Variants in CTNND2 observed in about 807,000 individuals in gnomAD.
The protein encoded by CTNND2 is catenin delta 2.
CTNND2 carries 22 observed loss-of-function variants against 144.4 expected under a neutral mutation model. The observed-to-expected ratio is 0.15, with a 90% CI of 0.11 to 0.22. CTNND2 has a LOEUF of 0.22. CTNND2 is among the 10% of genes least tolerant of loss of function. The pLI is 1.00. For synonymous variants in CTNND2, 751 were observed against 695.6 expected (o/e 1.08, Z -1.25); for missense variants, 1,353 against 1,618.8 (o/e 0.84, Z 2.82).
intron 8 of CTNND2, among the ~76,000 whole-genome samples, chr5:11,347,222 G>A (rs182918720): frequency 7.2e-4 from 110 of 152,224 alleles, no homozygotes; most frequent in African/African-American, 1.9e-3. Flanking sequence ...AGTAACTCCC[G>A]AAAGATTTTT....
chr5:11,620,931 T>G (rs1296986859), intron 2 of CTNND2, among the ~76,000 whole-genome samples: 1 of 152,186 alleles, frequency 6.6e-6, no homozygotes, highest in African/African-American at 2.4e-5. Context: ...ATGGCCCTGA[T>G]GGAACACATG....
chr5:11,253,637 T>C (rs1743904053), intron 9 of CTNND2, among the ~76,000 whole-genome samples: 1 of 152,218 alleles, frequency 6.6e-6, no homozygotes, highest in African/African-American at 2.4e-5. Context: ...GTCTTGGGTA[T>C]GTCTTTATCA....
intron 3 of CTNND2, among the ~76,000 whole-genome samples, chr5:11,516,102 T>A (rs139004593): frequency 6.6e-6 from 1 of 151,724 alleles, no homozygotes. Flanking sequence ...CAAAACAGTG[T>A]CTCAAAAAAA....
chr5:11,772,170 CTTAA>C (rs1427773061), intron 1 of CTNND2, among the ~76,000 whole-genome samples: 4 of 152,170 alleles, frequency 2.6e-5, no homozygotes, highest in African/African-American at 9.7e-5. Context: ...AAGTTTTAAT[CTTAA>C]TTAATCTTAA....
intron 12 of CTNND2, among the ~76,000 whole-genome samples, chr5:11,123,887 T>A (rs1403109399): frequency 6.6e-6 from 1 of 152,134 alleles, no homozygotes; most frequent in African/African-American, 2.4e-5. Context: ...TGAACAACAC[T>A]CCCCAGGCTC....
chr5:11,484,074 C>A (rs185762874), intron 3 of CTNND2, among the ~76,000 whole-genome samples: 2 of 152,298 alleles, frequency 1.3e-5, no homozygotes, highest in East Asian at 3.9e-4. Context: ...CAGTTGCACA[C>A]CCTCAAGGTT....
chr5:11,199,548 G>T lies in CTNND2; in HGVS notation c.1875C>A (p.Asn625Lys), dbSNP rs375489164. ...ALRNLVYGKA[N>K]DDNKIALKNC... ...TTTTCAGGGCAATTTTGTTATCATC[G>T]TTGGCCTTCCCATACACCAGGTTTC... The change falls in exon 11 of 22, where the codon AAC becomes AAA. Residue 625 changes from asparagine (N) to lysine (K), a missense_variant. Asn to Lys is a moderately conservative substitution (Grantham distance 94, BLOSUM62 0). This residue lies in a region of CTNND2 where 117 missense variants were observed against 117.8 expected (regional missense o/e 0.99). Coordinates refer to ENST00000304623, the MANE Select transcript of CTNND2 (RefSeq NM_001332.4). 1 of 1,614,098 alleles carries T rather than the reference G, an allele frequency of 6.2e-7. No homozygotes were observed. The highest frequency in any genetic ancestry group is 8.5e-7 in the Non-Finnish European group (1 of 1,180,024).
At chr5:11,017,205 G>A (rs1741704285) in intron 18 of CTNND2, among the ~76,000 whole-genome samples, 1 of 152,046 alleles carries the variant, frequency 6.6e-6, no homozygotes, top group Non-Finnish European at 1.5e-5. Flanking sequence ...GAAAAGTTAG[G>A]CACCCCTTAT....
chr5:11,655,223 A>T (rs1187046501), intron 2 of CTNND2, among the ~76,000 whole-genome samples: 2 of 152,060 alleles, frequency 1.3e-5, no homozygotes, highest in African/African-American at 2.4e-5. Flanking sequence ...CCTTAGTGGG[A>T]ATGCCTCTAG....
At chr5:11,045,232 A>T (rs1240206619) in intron 16 of CTNND2, among the ~76,000 whole-genome samples, 1 of 152,190 alleles carries the variant, frequency 6.6e-6, no homozygotes, top group Non-Finnish European at 1.5e-5. Context: ...TATTTGGATC[A>T]TGGTTCTGCA....
chr5:11,305,627 T>G (rs945289232), intron 9 of CTNND2, among the ~76,000 whole-genome samples: 2 of 152,226 alleles, frequency 1.3e-5, no homozygotes, highest in African/African-American at 4.8e-5. Flanking sequence ...GGTGCAGACT[T>G]AAGTGACAGG....
intron 2 of CTNND2, among the ~76,000 whole-genome samples, chr5:11,575,230 C>G (rs922723940): frequency 2.0e-5 from 3 of 152,190 alleles, no homozygotes; most frequent in Admixed American, 2.0e-4. Context: ...ACCTTCTTCT[C>G]ATCTACCATA....
rs188215040 is a variant in CTNND2 at position 11,332,605 on chromosome 5, A to G, written c.1628+13767T>C. Among the ~76,000 whole-genome samples the G allele has an allele frequency of 1.9e-4, 29 of 152,288 alleles. No homozygotes were observed. The East Asian group carries it at 2.9e-3, about 15-fold the overall frequency. On this transcript the variant is annotated intron_variant, in intron 9 of 21. Coordinates refer to ENST00000304623, the MANE Select transcript of CTNND2 (RefSeq NM_001332.4). ...CATCTCCAAAACTTCTTCATCATCC[A>G]AATTGAAATTCTATACCCATTACAC...
At chr5:11,744,157 C>A (rs1788175321) in intron 1 of CTNND2, among the ~76,000 whole-genome samples, 1 of 152,174 alleles carries the variant, frequency 6.6e-6, no homozygotes, top group Non-Finnish European at 1.5e-5. Context: ...AAAGCATGAT[C>A]TCAGCCAATT....
intron 18 of CTNND2, among the ~76,000 whole-genome samples, chr5:11,013,745 C>T (rs1741327394): frequency 6.6e-6 from 1 of 152,216 alleles, no homozygotes; most frequent in South Asian, 2.1e-4. Flanking sequence ...TGGAACGGTA[C>T]TGCCTTTCTT....
At chr5:11,719,876 A>ACCCC (rs1554109703) in intron 2 of CTNND2, among the ~76,000 whole-genome samples, 39 of 144,292 alleles carry the variant, frequency 2.7e-4, no homozygotes, top group African/African-American at 9.0e-4. Context: ...ACACACACAC[A>ACCCC]CCACAGATCC....
chr5:11,060,393 G>T (rs115684267), intron 16 of CTNND2, among the ~76,000 whole-genome samples: 2,038 of 152,056 alleles, frequency 0.013, 40 homozygotes, highest in African/African-American at 0.047. Context: ...AAGCCATATA[G>T]TAAAGGATGA....
At chr5:11,291,945 A>C (rs1445290741) in intron 9 of CTNND2, among the ~76,000 whole-genome samples, 1 of 152,036 alleles carries the variant, frequency 6.6e-6, no homozygotes, top group Non-Finnish European at 1.5e-5. Flanking sequence ...AGTTTCCCTA[A>C]ATTTAAAAAA....
At chr5:11,535,187 T>TA (rs11398798) in intron 3 of CTNND2, among the ~76,000 whole-genome samples, 13,062 of 133,666 alleles carry the variant, frequency 0.098, 690 homozygotes, top group East Asian at 0.25. Flanking sequence ...TACTCTGTCT[T>TA]AAAAAAAAAA....
Sources: allele counts gnomAD v4.1 joint callset (sites outside exome capture counted in the v4.1 genomes callset), GRCh38; gene constraint gnomAD v4.1.1; regional missense constraint gnomAD v4.1.1; transcripts MANE v1.5; gene names NCBI Gene and HGNC (gene_info 2026-07-23, HGNC 2026-07-21).